Variants in PTH1R observed in about 807,000 individuals in gnomAD.
PTH1R encodes the protein parathyroid hormone 1 receptor, also known as parathyroid hormone/parathyroid hormone-related peptide receptor.
PTH1R carries 32 observed loss-of-function variants against 70.7 expected under a neutral mutation model. That is an observed-to-expected ratio of 0.45 (90% CI 0.34 to 0.61). The LOEUF is 0.61. Among genes scored for constraint, PTH1R ranks in the 20% least tolerant of loss-of-function variants. PTH1R has a pLI of 0.01. For missense variants in PTH1R, 626 were observed against 792.5 expected (o/e 0.79, Z 2.52); for synonymous variants, 329 against 324.8 (o/e 1.01, Z -0.14).
In PTH1R at chr3:46,898,466, A is replaced by T. The variant is rs1447252087; in HGVS notation, c.632A>T (p.Tyr211Phe). The T allele has an allele frequency of 6.2e-7, 1 of 1,613,378 alleles. No homozygotes were observed. Among genetic ancestry groups the T allele is most frequent in the African/African-American group, 1.3e-5 (1 of 74,800 alleles). ...SLTVAVLILA[Y>F]FRRLHCTRNY... ...ACCGTAGCTGTGCTCATCCTGGCCT[A>T]CTTTAGGTGGGCGGGGCGGGGCGAG... Residue 211 changes from tyrosine (Y) to phenylalanine (F), a missense_variant, in exon 8 of 16, where the codon TAC becomes TTC. Physicochemically the swap from Tyr to Phe is conservative, Grantham distance 22. Around this residue, in one of 3 missense-constraint regions of PTH1R, gnomAD observed 495 missense variants for 638.7 expected, o/e 0.77. Transcript: ENST00000449590.
At chr3:46,880,798 A>T (rs2030509394) in intron 1 of PTH1R, among the ~76,000 whole-genome samples, 1 of 152,186 alleles carries the variant, frequency 6.6e-6, no homozygotes, top group African/African-American at 2.4e-5. Flanking sequence ...TGGGGAATGC[A>T]CCTGGGAGTG....
In PTH1R at chr3:46,902,897, C is replaced by A; in HGVS notation, c.1395+107C>A. ...CCACCCTGTTATTTCTTTGTTCCTC[C>A]AAGAACACCCCTGAGGACATTCTGA... On this transcript the variant is annotated intron_variant, in intron 15 of 15. Transcript: ENST00000449590. This position sits in a 1 kb window ranked among gnomAD's most constrained non-coding sequence, Gnocchi z 5.4. 2 of 1,454,400 alleles carry A rather than the reference C, an allele frequency of 1.4e-6. No homozygotes were observed. Among genetic ancestry groups the A allele is most frequent in the African/African-American group, 1.4e-5 (1 of 71,542 alleles). 90.1% of individuals were successfully genotyped at this position (1,454,400 alleles called of 1,614,324 possible).
At chr3:46,895,912 T>A (rs1553642704) in intron 5 of PTH1R, 43 bp downstream of exon 5, 2 of 1,601,220 alleles carry the variant, frequency 1.2e-6, no homozygotes, top group Non-Finnish European at 1.7e-6. Context: ...TGGGCTTGGA[T>A]CCACCCACCC....
intron 4 of PTH1R, among the ~76,000 whole-genome samples, chr3:46,895,121 A>C (rs1245834092): frequency 6.7e-6 from 1 of 150,278 alleles, no homozygotes; most frequent in Admixed American, 6.6e-5. Flanking sequence ...GCATCTCTCC[A>C]ATGAGAAGAG....
Position 46,882,078 on chromosome 3 carries a change from C to T in PTH1R, c.-49+960C>T, listed in dbSNP as rs1350048180. On this transcript the variant is annotated intron_variant, in intron 2 of 15. Transcript: ENST00000449590. The surrounding 1 kb of genome is among the most constrained non-coding windows in gnomAD (Gnocchi z 4.3). ...CCCCGTCTCCCCAGCACTCACATCC[C>T]GCCGCCGTAAGACTCCGGGCCTCGG... 6.6e-6 allele frequency: 1 copy of T among 152,182 alleles called. No individual in the cohort carries two copies. Among genetic ancestry groups the T allele is most frequent in the African/African-American group, 2.4e-5 (1 of 41,428 alleles). The allele number at this position is 152,182 out of a possible 1,614,324, so 9.4% of individuals were successfully genotyped here. A position where few individuals can be genotyped will look rare whatever the true frequency, so the allele number is the denominator to read the frequency against.
In PTH1R at chr3:46,901,507, A is replaced by C; in HGVS notation, c.1116+27A>C. ...TGAGCAGGGGTGGGCTGCTGGCCAC[A>C]GGGGTGGGTGGGATGTGCGCCTGCG... is the stretch of plus-strand genomic sequence containing the variant. On this transcript the variant is annotated intron_variant, in intron 12 of 15. Coordinates refer to ENST00000449590, the MANE Select transcript of PTH1R (RefSeq NM_000316.3). The surrounding 1 kb of genome is among the most constrained non-coding windows in gnomAD (Gnocchi z 7.3). The C allele has an allele frequency of 3.5e-6, 5 of 1,419,680 alleles. No individual in the cohort carries two copies. The highest frequency in any genetic ancestry group is 4.9e-6 in the Non-Finnish European group (5 of 1,030,396). The allele number at this position is 1,419,680 out of a possible 1,614,324, so 87.9% of individuals were successfully genotyped here. A position where few individuals can be genotyped will look rare whatever the true frequency, so the allele number is the denominator to read the frequency against.
Position 46,898,848 on chromosome 3 carries a change from T to C in PTH1R, c.825T>C (p.Ala275=). The change falls in exon 9 of 16, where the codon GCT becomes GCC. Residue 275 remains alanine (A), a synonymous_variant. Transcript: ENST00000449590. ...CGCCCCCGCCGCCTGCCACCGCCGC[T>C]GCCGGCTACGTGAGTACCCCTCTGC... The part of the protein sequence containing the change: ...AQAPPPPATA[A]AGYAGCRVAV... 4 of 1,545,834 alleles carry C rather than the reference T, an allele frequency of 2.6e-6. No homozygotes were observed. Among genetic ancestry groups the C allele is most frequent in the Non-Finnish European group, 3.5e-6 (4 of 1,151,718 alleles).
At chr3:46,878,458 C>T (rs114328147) in intron 1 of PTH1R, among the ~76,000 whole-genome samples, 3,128 of 152,268 alleles carry the variant, frequency 0.021, 56 homozygotes, top group Non-Finnish European at 0.034. Context: ...CAGCCTGAGG[C>T]TGGGGCTCAT....
At position 46,898,342 on chromosome 3, in the gene PTH1R, C is replaced by T. The variant is rs376708103; in HGVS notation, c.544-36C>T. The stretch of plus-strand genomic sequence containing the variant: ...TTACCCTGATGCTCTCCCTGGGTCC[C>T]AGGGCTCTGACTGTGTCTCCCCCCG... On this transcript the variant is annotated intron_variant, in intron 7 of 15. Transcript: ENST00000449590. 5.0e-6 allele frequency: 8 copies of T among 1,605,516 alleles called. No homozygotes were observed. The African/African-American group carries it at 1.1e-4, about 21-fold the overall frequency.
In PTH1R at chr3:46,902,613, A is replaced by G; in HGVS notation, c.1299A>G (p.Ser433=). The G allele has an allele frequency of 6.2e-7, 1 of 1,613,980 alleles. No individual in the cohort carries two copies. The highest frequency in any genetic ancestry group is 8.5e-7 in the Non-Finnish European group (1 of 1,180,024). The change falls in exon 14 of 16, where the codon TCA becomes TCG. Residue 433 remains serine (S), a synonymous_variant. Transcript: ENST00000449590. This position sits in a 1 kb window ranked among gnomAD's most constrained non-coding sequence, Gnocchi z 5.4. ...VFMATPYTEV[S]GTLWQVQMHY... ...TGGCCACACCATACACCGAGGTCTC[A>G]GGGACGCTCTGGCAAGTCCAGATGC...
intron 4 of PTH1R, among the ~76,000 whole-genome samples, chr3:46,895,217 G>A (rs1382648412): frequency 6.6e-6 from 1 of 152,048 alleles, no homozygotes; most frequent in Non-Finnish European, 1.5e-5. Flanking sequence ...GGCAGGGGAT[G>A]GGGTGGTCTT....
In PTH1R at chr3:46,893,842, G is replaced by T. The variant is rs1017407506; in HGVS notation, c.76-65G>T. On this transcript the variant is annotated intron_variant, in intron 3 of 15. Transcript: ENST00000449590. The surrounding 1 kb of genome is among the most constrained non-coding windows in gnomAD (Gnocchi z 5.2). ...GGGGGTAGTCCCTCTGGGAAATTGGGATGTCTCTGGGACCTGCTGCTGCGC... is the reference window on the plus strand; with the variant it reads ...GGGGGTAGTCCCTCTGGGAAATTGGTATGTCTCTGGGACCTGCTGCTGCGC... The T allele has an allele frequency of 8.1e-6, 12 of 1,481,372 alleles. No individual in the cohort carries two copies. Among genetic ancestry groups the T allele is most frequent in the African/African-American group, 1.4e-5 (1 of 72,492 alleles). 91.8% of individuals were successfully genotyped at this position (1,481,372 alleles called of 1,614,324 possible). A position where few individuals can be genotyped will look rare whatever the true frequency, so the allele number is the denominator to read the frequency against.
chr3:46,880,894 G>A (rs2030515465), intron 1 of PTH1R, among the ~76,000 whole-genome samples, 168 bp from the exon 2 acceptor site: 2 of 152,196 alleles, frequency 1.3e-5, no homozygotes, highest in Admixed American at 1.3e-4. Context: ...TGACAGATTT[G>A]CACTGAGGGT....
At chr3:46,898,893 C>A (rs1197609601) in intron 9 of PTH1R, 36 bp downstream of exon 9, 12 of 1,435,258 alleles carry the variant, frequency 8.4e-6, no homozygotes, top group Non-Finnish European at 9.3e-6. Context: ...CCCGGTGCCG[C>A]CACTGGCCTC....
intron 5 of PTH1R, 54 bp downstream of exon 5, chr3:46,895,923 C>A: frequency 6.3e-7 from 1 of 1,586,302 alleles, no homozygotes; most frequent in East Asian, 2.3e-5. Context: ...CCACCCACCC[C>A]CATTGCACTG....
rs939292312 is a variant in PTH1R, at chr3:46,893,445, C to G, written c.76-462C>G. Among the ~76,000 whole-genome samples, 4 of 152,128 alleles carry G rather than the reference C, an allele frequency of 2.6e-5. No homozygotes were observed. The highest frequency in any genetic ancestry group is 9.7e-5 in the African/African-American group (4 of 41,414). On this transcript the variant is annotated intron_variant, in intron 3 of 15. Coordinates refer to ENST00000449590, the MANE Select transcript of PTH1R (RefSeq NM_000316.3). The surrounding 1 kb of genome is among the most constrained non-coding windows in gnomAD (Gnocchi z 5.2). ...ATGGAAACTGGTGACTCCCAAGACC[C>G]CCCAGGGTGCCAGGACTTGAAGGAC...
At chr3:46,880,384 C>G (rs1369163575) in intron 1 of PTH1R, 1 of 152,216 alleles carries the variant, frequency 6.6e-6, no homozygotes, top group Non-Finnish European at 1.5e-5. Flanking sequence ...AATAGCACAG[C>G]CCTTGAACAC....
intron 10 of PTH1R, among the ~76,000 whole-genome samples, chr3:46,900,534 G>A (rs1450546974): frequency 1.3e-5 from 2 of 152,000 alleles, no homozygotes; most frequent in Non-Finnish European, 2.9e-5. Flanking sequence ...CTGACACACC[G>A]AGGTCTCCCT....
At position 46,902,400 on chromosome 3, in the gene PTH1R, C is replaced by G; in HGVS notation, c.1212-126C>G. On this transcript the variant is annotated intron_variant, in intron 13 of 15. Transcript: ENST00000449590. The surrounding 1 kb of genome is among the most constrained non-coding windows in gnomAD (Gnocchi z 5.4). ...CATGCAGGTGAACTGGGTTGTCCTC[C>G]CATGGTGACTGGAGCCCTGGGCCCC... The G allele has an allele frequency of 1.5e-6, 2 of 1,316,128 alleles. No individual in the cohort carries two copies. The highest frequency in any genetic ancestry group is 2.5e-5 in the South Asian group (2 of 78,830). 81.5% of individuals were successfully genotyped at this position (1,316,128 alleles called of 1,614,324 possible).
Sources: allele counts gnomAD v4.1 joint callset (sites outside exome capture counted in the v4.1 genomes callset), GRCh38; gene constraint gnomAD v4.1.1; regional missense constraint gnomAD v4.1.1; non-coding constraint Gnocchi (gnomAD v3.1); transcripts MANE v1.5; gene names NCBI Gene and HGNC (gene_info 2026-07-23, HGNC 2026-07-21).